Variants in BNC2 observed in about 807,000 individuals in gnomAD.
The protein encoded by BNC2 is basonuclin zinc finger protein 2.
BNC2 carries 20 observed loss-of-function variants against 76.3 expected under a neutral mutation model. That is an observed-to-expected ratio of 0.26 (90% CI 0.18 to 0.38). The LOEUF (loss-of-function observed/expected upper bound fraction) is 0.38, where lower values mean the gene tolerates loss of function less well. Ranked by LOEUF, BNC2 falls within the 10% of genes least tolerant of loss-of-function variation. The pLI, the probability that BNC2 is intolerant of heterozygous loss-of-function variation, is 1.00. For missense variants in BNC2, 1,382 were observed against 1,399.8 expected, an observed-to-expected ratio of 0.99 and a Z score of 0.20; for synonymous variants, 582 against 514.8, an observed-to-expected ratio of 1.13 and a Z score of -1.77.
intron 1 of BNC2, among the ~76,000 whole-genome samples, chr9:16,749,778 A>G (rs545530382): frequency 2.0e-5 from 3 of 152,328 alleles, no homozygotes; most frequent in Non-Finnish European, 2.9e-5. Flanking sequence ...ATTTAATAAG[A>G]CATGAGATTA....
intron 1 of BNC2, among the ~76,000 whole-genome samples, chr9:16,764,591 A>G (rs1393736441): frequency 8.5e-5 from 13 of 152,172 alleles, no homozygotes; most frequent in Non-Finnish European, 1.5e-5. Flanking sequence ...CTTTTACAAG[A>G]CTCACCTTAA....
At chr9:16,498,029 C>A (rs1822430415) in intron 5 of BNC2, among the ~76,000 whole-genome samples, 1 of 132,106 alleles carries the variant, frequency 7.6e-6, no homozygotes, top group Admixed American at 8.1e-5. Flanking sequence ...ATGTATTCCA[C>A]CATATATATA....
rs1356251934 is a variant in BNC2, at chr9:16,412,704, G to A, written c.*6285C>T. ...TATGTTAGGAGGGGAGAATAAGAGGGAAGGAGAGAGAGAGGGGAGAGAGAG... is the reference window on the plus strand; with the variant it reads ...TATGTTAGGAGGGGAGAATAAGAGGAAAGGAGAGAGAGAGGGGAGAGAGAG... On this transcript the variant is annotated 3_prime_UTR_variant, in exon 7 of 7. Transcript: ENST00000380672. The A allele has an allele frequency of 6.7e-6, 1 of 148,884 alleles. No individual in the cohort carries two copies. The highest frequency in any genetic ancestry group is 2.0e-4 in the East Asian group (1 of 5,070). 9.2% of individuals were successfully genotyped at this position (148,884 alleles called of 1,614,324 possible).
At chr9:16,804,223 A>C (rs182947713) in intron 1 of BNC2, among the ~76,000 whole-genome samples, 1 of 152,368 alleles carries the variant, frequency 6.6e-6, no homozygotes, top group East Asian at 1.9e-4. Context: ...ATTTTATTCT[A>C]AAAGTAATGC....
chr9:16,739,101 TAC>T (rs2135136307), intron 1 of BNC2, among the ~76,000 whole-genome samples: 2 of 150,790 alleles, frequency 1.3e-5, no homozygotes, highest in South Asian at 4.2e-4. Context: ...AGAGAAGTAA[TAC>T]AGTTTGACTG....
chr9:16,830,922 GC>G (rs899308647), intron 1 of BNC2, among the ~76,000 whole-genome samples: 7 of 152,216 alleles, frequency 4.6e-5, no homozygotes, highest in African/African-American at 1.7e-4. Context: ...AGGGTGAATG[GC>G]ACTGCTTCTG....
chr9:16,424,343 G>A (rs1563776649), intron 6 of BNC2, among the ~76,000 whole-genome samples: 1 of 151,308 alleles, frequency 6.6e-6, no homozygotes, highest in Non-Finnish European at 1.5e-5. Context: ...AATGAACCAA[G>A]CTATAGGTTG....
intron 5 of BNC2, among the ~76,000 whole-genome samples, chr9:16,451,272 G>A (rs889790114): frequency 8.6e-5 from 13 of 152,026 alleles, no homozygotes; most frequent in African/African-American, 3.1e-4. Context: ...ATCCTGGAAG[G>A]ATCAATATAA....
At chr9:16,422,421 A>G (rs1042457884) in intron 6 of BNC2, among the ~76,000 whole-genome samples, 5 of 152,356 alleles carry the variant, frequency 3.3e-5, no homozygotes, top group African/African-American at 9.6e-5. Flanking sequence ...AATAATAAAG[A>G]TGAACTCATG....
chr9:16,562,346 G>C (rs961662046), intron 4 of BNC2, among the ~76,000 whole-genome samples: 2 of 152,106 alleles, frequency 1.3e-5, no homozygotes, highest in Non-Finnish European at 2.9e-5. Context: ...CTTCACCTGG[G>C]AAGAAAAGCC....
At chr9:16,844,493 CTTTTTTT>C (rs67281132) in intron 1 of BNC2, among the ~76,000 whole-genome samples, 1 of 103,368 alleles carries the variant, frequency 9.7e-6, no homozygotes, top group Non-Finnish European at 1.9e-5. Flanking sequence ...TTTTTCTTTT[CTTTTTTT>C]TTTTTTTTTT....
chr9:16,814,042 C>A (rs930258538), intron 1 of BNC2, among the ~76,000 whole-genome samples: 1 of 152,126 alleles, frequency 6.6e-6, no homozygotes, highest in Admixed American at 6.5e-5. Flanking sequence ...GCAATATATG[C>A]TAGAAGCAGA....
intron 1 of BNC2, among the ~76,000 whole-genome samples, chr9:16,761,105 G>A (rs1011550155): frequency 2.6e-5 from 4 of 151,846 alleles, no homozygotes; most frequent in African/African-American, 2.4e-5. Context: ...AAAATTAGCT[G>A]GGAGTGGTGG....
intron 3 of BNC2, among the ~76,000 whole-genome samples, chr9:16,665,827 A>G (rs971020887): frequency 6.6e-6 from 1 of 152,206 alleles, no homozygotes; most frequent in African/African-American, 2.4e-5. Context: ...ATAATCCTAA[A>G]CGATCTGTAA....
intron 5 of BNC2, among the ~76,000 whole-genome samples, chr9:16,480,405 G>C (rs1822022366): frequency 6.6e-6 from 1 of 152,212 alleles, no homozygotes; most frequent in Non-Finnish European, 1.5e-5. Context: ...TCCCACTTTG[G>C]CGGCACTTGA....
chr9:16,842,599 G>A (rs769856581), intron 1 of BNC2, among the ~76,000 whole-genome samples: 1 of 152,162 alleles, frequency 6.6e-6, no homozygotes, highest in Non-Finnish European at 1.5e-5. Context: ...AAAAACCAGT[G>A]ACTATACACT....
At chr9:16,503,869 T>C (rs1822571958) in intron 5 of BNC2, among the ~76,000 whole-genome samples, 1 of 152,146 alleles carries the variant, frequency 6.6e-6, no homozygotes, top group South Asian at 2.1e-4. Flanking sequence ...CTTTTCAACA[T>C]GCCAATAAAC....
chr9:16,693,023 G>C (rs1182902803), intron 3 of BNC2, among the ~76,000 whole-genome samples: 1 of 150,914 alleles, frequency 6.6e-6, no homozygotes, highest in East Asian at 2.0e-4. Context: ...CCAGCTACTT[G>C]GGAGGCTGAG....
At chr9:16,860,420 A>G (rs566361860) in intron 1 of BNC2, among the ~76,000 whole-genome samples, 86 of 152,330 alleles carry the variant, frequency 5.6e-4, no homozygotes, top group Non-Finnish European at 9.3e-4. Context: ...AAGGGTACCC[A>G]GACACCTCAA....
Sources: gnomAD v4.1 joint callset for allele counts (sites outside exome capture counted in the v4.1 genomes callset) on GRCh38, gnomAD v4.1.1 for gene constraint, MANE v1.5 for transcripts, NCBI Gene and HGNC (gene_info 2026-07-23, HGNC 2026-07-21) for gene names.